The following EGF variants were observed in gnomAD, a reference collection of about 807,000 sequenced individuals.
EGF encodes epidermal growth factor.
Under a neutral mutation model 143.8 loss-of-function variants are expected in EGF, and 95 were observed. The ratio of observed to expected loss-of-function variants is 0.66; its 90% CI spans 0.56 to 0.78. The LOEUF (loss-of-function observed/expected upper bound fraction) is 0.78, where lower values mean the gene tolerates loss of function less well. Among genes scored for constraint, EGF ranks in the 30% least tolerant of loss-of-function variants. The pLI is 0.00. For synonymous variants in EGF, 510 were observed against 510.5 expected (o/e 1.00, Z 0.01); for missense variants, 1,320 against 1,470.9 (o/e 0.90, Z 1.68).
chr4:109,950,849 A>T (rs1743772960), intron 5 of EGF, among the ~76,000 whole-genome samples: 1 of 152,174 alleles, frequency 6.6e-6, no homozygotes, highest in Non-Finnish European at 1.5e-5. Context: ...TGTTCCAGAG[A>T]AGGTATTCTC....
At chr4:109,992,840 C>T (rs1270091354) in intron 18 of EGF, among the ~76,000 whole-genome samples, 1 of 151,470 alleles carries the variant, frequency 6.6e-6, no homozygotes, top group Non-Finnish European at 1.5e-5. Flanking sequence ...AGCAAACTAT[C>T]ACAAGGACAA....
chr4:109,932,921 G>A (rs927266489), intron 1 of EGF, among the ~76,000 whole-genome samples: 1 of 152,096 alleles, frequency 6.6e-6, no homozygotes, highest in African/African-American at 2.4e-5. Context: ...ATGATGAATT[G>A]CTGTATTAGA....
chr4:110,001,064 G>T (rs1262486756), intron 21 of EGF, among the ~76,000 whole-genome samples: 5 of 152,330 alleles, frequency 3.3e-5, no homozygotes, highest in African/African-American at 1.2e-4. Context: ...ATAGCCTAGT[G>T]TAGTGGTTAA....
At chr4:110,002,237 A>G (rs1350853823) in intron 21 of EGF, among the ~76,000 whole-genome samples, 1 of 152,124 alleles carries the variant, frequency 6.6e-6, no homozygotes, top group Non-Finnish European at 1.5e-5. Flanking sequence ...TCGTGTCTAT[A>G]ATCCCAGCAT....
intron 20 of EGF, among the ~76,000 whole-genome samples, chr4:109,999,215 C>T (rs1752231908): frequency 6.6e-6 from 1 of 152,038 alleles, no homozygotes; most frequent in South Asian, 2.1e-4. Context: ...TGTTTAGAAA[C>T]TGTACACATT....
chr4:109,993,335 T>TGGAC lies in EGF; in HGVS notation c.2825_2828dup (p.Leu944ThrfsTer4). The TGGAC allele has an allele frequency of 6.2e-7, 1 of 1,613,786 alleles. No homozygotes were observed. Among genetic ancestry groups the TGGAC allele is most frequent in the Non-Finnish European group, 8.5e-7 (1 of 1,179,902 alleles). On this transcript the variant is annotated frameshift_variant, in exon 19 of 24. Coordinates refer to ENST00000265171, the MANE Select transcript of EGF (RefSeq NM_001963.6). LOFTEE classifies it high-confidence loss of function. ...AGGGAGGCTATACCTGCATGTGTGCTGGACGCCTGTCTGAACCAGGACTGA... is the reference window on the plus strand; with the variant it reads ...AGGGAGGCTATACCTGCATGTGTGCTGGACGGACGCCTGTCTGAACCAGGACTGA...
chr4:109,931,850 T>G (rs1053121723), intron 1 of EGF, among the ~76,000 whole-genome samples: 1 of 152,242 alleles, frequency 6.6e-6, no homozygotes, highest in Non-Finnish European at 1.5e-5. Context: ...AGGATCTGTA[T>G]GCTATGATTA....
At chr4:110,002,653 G>A (rs769449188) in intron 21 of EGF, among the ~76,000 whole-genome samples, 1 of 151,996 alleles carries the variant, frequency 6.6e-6, no homozygotes, top group Non-Finnish European at 1.5e-5. Flanking sequence ...TTGTTTTTTT[G>A]TGGGTTTTTT....
At chr4:109,949,923 T>C (rs549666199) in intron 5 of EGF, among the ~76,000 whole-genome samples, 2 of 152,182 alleles carry the variant, frequency 1.3e-5, no homozygotes, top group Non-Finnish European at 2.9e-5. Context: ...GCTGCAGATA[T>C]GTCTGCATGC....
rs11569146 is a variant in EGF at position 110,011,938 on chromosome 4, C to T, written c.*483C>T. On this transcript the variant is annotated 3_prime_UTR_variant, in exon 24 of 24. Transcript: ENST00000265171. The stretch of plus-strand genomic sequence containing the variant: ...GTGTAGGCATTTAACTCCTCATTGG[C>T]GTGGTCCATGCTGATGATTTTGCAA... 0.026 allele frequency: 4,176 copies of T among 161,506 alleles called. 200 individuals are homozygous for T. The highest frequency in any genetic ancestry group is 0.092 in the African/African-American group (3,844 of 41,610). 10.0% of individuals were successfully genotyped at this position (161,506 alleles called of 1,614,324 possible). A position where few individuals can be genotyped will look rare whatever the true frequency, so the allele number is the denominator to read the frequency against.
chr4:109,931,949 A>T (rs1413857691), intron 1 of EGF, among the ~76,000 whole-genome samples: 2 of 152,134 alleles, frequency 1.3e-5, no homozygotes, highest in African/African-American at 2.4e-5. Context: ...TTTTTTTGAA[A>T]AGTTACAGAA....
At chr4:109,930,675 A>G (rs939566855) in intron 1 of EGF, among the ~76,000 whole-genome samples, 1 of 152,204 alleles carries the variant, frequency 6.6e-6, no homozygotes, top group Non-Finnish European at 1.5e-5. Context: ...TGCAGAAGAC[A>G]GGTAATGTCT....
chr4:109,988,223 T>TA (rs1312402561), intron 17 of EGF, among the ~76,000 whole-genome samples: 1 of 151,234 alleles, frequency 6.6e-6, no homozygotes, highest in Non-Finnish European at 1.5e-5. Context: ...CCCAGAAGCT[T>TA]AGGTCATAAG....
rs1754151212 is a variant in EGF at position 110,013,335 on chromosome 4, C to T, written c.*1880C>T. Among the ~76,000 whole-genome samples the T allele has an allele frequency of 6.6e-6, 1 of 152,060 alleles. No homozygotes were observed. Among genetic ancestry groups the T allele is most frequent in the Non-Finnish European group, 1.5e-5 (1 of 68,002 alleles). The stretch of plus-strand genomic sequence containing the variant: ...AGAAATGACATGAGAACACGGCTAC[C>T]CATAACATACCATTATCTTTGTACC... On this transcript the variant is annotated 3_prime_UTR_variant, in exon 24 of 24. Transcript: ENST00000265171.
At chr4:109,960,011 A>T (rs1242125217) in intron 6 of EGF, among the ~76,000 whole-genome samples, 2 of 152,190 alleles carry the variant, frequency 1.3e-5, no homozygotes, top group Non-Finnish European at 1.5e-5. Context: ...TGCAGCACAC[A>T]TACAGTGGAA....
intron 1 of EGF, among the ~76,000 whole-genome samples, chr4:109,916,003 G>A (rs1395858906): frequency 6.6e-6 from 1 of 152,162 alleles, no homozygotes; most frequent in Non-Finnish European, 1.5e-5. Flanking sequence ...GAACCTTCAA[G>A]TCTATTTACC....
In EGF at chr4:109,964,409, C is replaced by T; in HGVS notation, c.1447C>T (p.Pro483Ser). 6.2e-7 allele frequency: 1 copy of T among 1,613,894 alleles called. No homozygotes were observed. Among genetic ancestry groups the T allele is most frequent in the Non-Finnish European group, 8.5e-7 (1 of 1,179,840 alleles). Residue 483 changes from proline (P) to serine (S), a missense_variant, in exon 10 of 24, where the codon CCA becomes TCA. This residue lies in a region of EGF where 1,186 missense variants were observed against 1,313.7 expected (regional missense o/e 0.90). Transcript: ENST00000265171. ...TGAAATTTGGTTAACAGGACCACAA[C>T]CATTTTTGCTGTTTGCCAATTCTCA... is the stretch of plus-strand genomic sequence containing the variant. ...EKSCAASGPQPFLLFANSQDI... is the reference protein window; with the variant it reads ...EKSCAASGPQSFLLFANSQDI...
intron 6 of EGF, 103 bp from the exon 7 acceptor site, chr4:109,960,764 A>G: frequency 1.5e-6 from 2 of 1,329,432 alleles, no homozygotes; most frequent in East Asian, 2.3e-5. Context: ...ATTACAGCAT[A>G]TACAAGTGTG....
chr4:109,994,031 G>GTTTT (rs369137893), intron 19 of EGF, among the ~76,000 whole-genome samples: 2,510 of 140,794 alleles, frequency 0.018, 60 homozygotes, highest in African/African-American at 0.062. Context: ...CTTGGTCTCT[G>GTTTT]TTTTTTTTTT....
Sources: allele counts gnomAD v4.1 joint callset (sites outside exome capture counted in the v4.1 genomes callset), GRCh38; gene constraint gnomAD v4.1.1; regional missense constraint gnomAD v4.1.1; transcripts MANE v1.5; gene names NCBI Gene and HGNC (gene_info 2026-07-23, HGNC 2026-07-21).